CFTR: variants seen among roughly 807,000 people sequenced by gnomAD.
The protein encoded by CFTR is cystic fibrosis transmembrane conductance regulator.
CFTR carries 181 observed loss-of-function variants against 171.6 expected under a neutral mutation model. The ratio of observed to expected loss-of-function variants is 1.05; its 90% CI spans 0.93 to 1.19. The LOEUF (loss-of-function observed/expected upper bound fraction) is 1.19, where lower values mean the gene tolerates loss of function less well. CFTR is among the 50% of genes most tolerant of loss of function. The probability of loss-of-function intolerance (pLI) is 0.00; values close to 1 mark genes in which losing one functional copy is unlikely to be tolerated. For missense variants in CFTR, 1,968 were observed against 1,734.7 expected (o/e 1.13, Z -2.39); for synonymous variants, 583 against 608.0 (o/e 0.96, Z 0.60).
intron 24 of CFTR, among the ~76,000 whole-genome samples, chr7:117,662,269 T>C (rs1793303124): frequency 6.6e-6 from 1 of 152,172 alleles, no homozygotes; most frequent in South Asian, 2.1e-4. Flanking sequence ...CAGTACATAT[T>C]TGATAAATGA....
intron 17 of CFTR, among the ~76,000 whole-genome samples, chr7:117,605,207 T>A (rs1297154324): frequency 6.6e-6 from 1 of 152,198 alleles, no homozygotes; most frequent in Non-Finnish European, 1.5e-5. Context: ...TCCAAACCAT[T>A]TGAAATATAA....
At chr7:117,587,655 A>G (rs1471216821) in intron 11 of CFTR, 84 bp from the exon 12 acceptor site, 1 of 812,982 alleles carries the variant, frequency 1.2e-6, no homozygotes, top group African/African-American at 1.7e-5. Context: ...GTGATATATG[A>G]TTACATTAGA....
chr7:117,514,324 A>G (rs1243746811), intron 3 of CFTR, among the ~76,000 whole-genome samples: 1 of 151,756 alleles, frequency 6.6e-6, no homozygotes, highest in Non-Finnish European at 1.5e-5. Flanking sequence ...TTACTTCCCA[A>G]CAGGCCCTGG....
At chr7:117,539,390 A>G (rs1211423281) in intron 7 of CFTR, among the ~76,000 whole-genome samples, 1 of 151,784 alleles carries the variant, frequency 6.6e-6, no homozygotes, top group Admixed American at 6.6e-5. Flanking sequence ...TTCAAAACCC[A>G]CCTGCAACTT....
intron 1 of CFTR, among the ~76,000 whole-genome samples, chr7:117,484,867 T>C (rs1227867745): frequency 6.6e-6 from 1 of 152,120 alleles, no homozygotes; most frequent in African/African-American, 2.4e-5. Flanking sequence ...AATATTCTTA[T>C]ATACTTATAA....
intron 10 of CFTR, among the ~76,000 whole-genome samples, chr7:117,558,852 C>T (rs1479344021): frequency 6.6e-6 from 1 of 152,102 alleles, no homozygotes; most frequent in Non-Finnish European, 1.5e-5. Flanking sequence ...ATTGTCAGGA[C>T]ATATAACATA....
chr7:117,486,688 G>A (rs1173494402), intron 1 of CFTR, among the ~76,000 whole-genome samples: 4 of 151,870 alleles, frequency 2.6e-5, no homozygotes, highest in African/African-American at 7.3e-5. Context: ...AGATGGGTCT[G>A]GAAACTCTAG....
At chr7:117,570,039 A>G (rs1413490273) in intron 11 of CFTR, among the ~76,000 whole-genome samples, 2 of 152,014 alleles carry the variant, frequency 1.3e-5, no homozygotes, top group Admixed American at 6.6e-5. Flanking sequence ...AAGTGCTTTC[A>G]TGGACCTCTT....
intron 3 of CFTR, among the ~76,000 whole-genome samples, chr7:117,523,167 A>G (rs1418005531): frequency 6.6e-6 from 1 of 152,142 alleles, no homozygotes; most frequent in Non-Finnish European, 1.5e-5. Flanking sequence ...GATGACAACA[A>G]ACTCAGTAAT....
chr7:117,649,444 G>A (rs559094714), intron 23 of CFTR, among the ~76,000 whole-genome samples: 85 of 143,144 alleles, frequency 5.9e-4, no homozygotes, highest in African/African-American at 2.1e-3. Context: ...ACATACATAT[G>A]TACATATACA....
At chr7:117,556,515 T>C (rs1799359774) in intron 10 of CFTR, among the ~76,000 whole-genome samples, 1 of 68,966 alleles carries the variant, frequency 1.4e-5, no homozygotes, top group African/African-American at 5.4e-5. Context: ...TTCATTTCTT[T>C]TTTTTTTTTT....
intron 3 of CFTR, among the ~76,000 whole-genome samples, chr7:117,518,297 A>G (rs1015350241): frequency 1.4e-5 from 2 of 147,492 alleles, no homozygotes; most frequent in African/African-American, 2.5e-5. Flanking sequence ...ATAATATATA[A>G]TACAATATAT....
intron 18 of CFTR, 123 bp from the exon 19 acceptor site, chr7:117,610,395 TA>T (rs983009951): frequency 2.2e-4 from 172 of 778,556 alleles, no homozygotes; most frequent in Non-Finnish European, 2.9e-4. Context: ...ATAAAAAAAA[TA>T]AAAAAAAGTT....
At chr7:117,566,248 A>AACACACACACACACACAC (rs71314621) in intron 11 of CFTR, among the ~76,000 whole-genome samples, 4 of 138,784 alleles carry the variant, frequency 2.9e-5, no homozygotes, top group Non-Finnish European at 6.2e-5. Flanking sequence ...AGCCTACTAA[A>AACACACACACACACACAC]ACACACACAC....
chr7:117,618,941 A>G (rs1409783100), intron 21 of CFTR, among the ~76,000 whole-genome samples: 1 of 152,204 alleles, frequency 6.6e-6, no homozygotes, highest in African/African-American at 2.4e-5. Context: ...TTCAATTGAT[A>G]TCTCAATGTT....
rs199990040 is a variant in CFTR, at chr7:117,611,603, T to A, written c.3162T>A (p.His1054Gln). ...ESEGRSPIFT[H>Q]LVTSLKGLWT... is the part of the protein sequence containing the mutation. ...CAGGCAGGAGTCCAATTTTCACTCATCTTGTTACAAGCTTAAAAGGACTAT... is the reference window on the plus strand; with the variant it reads ...CAGGCAGGAGTCCAATTTTCACTCAACTTGTTACAAGCTTAAAAGGACTAT... The change falls in exon 20 of 27, where the codon CAT (histidine) becomes CAA (glutamine). Residue 1054 changes from histidine (H) to glutamine (Q), a missense_variant. Transcript: ENST00000003084. The A allele has an allele frequency of 6.2e-6, 10 of 1,611,726 alleles. No homozygotes were observed. The Admixed American group carries it at 1.3e-4, about 22-fold the overall frequency.
intron 22 of CFTR, among the ~76,000 whole-genome samples, chr7:117,636,121 T>C (rs942975580): frequency 6.6e-6 from 1 of 152,190 alleles, no homozygotes; most frequent in Non-Finnish European, 1.5e-5. Flanking sequence ...TTTTGAAGAA[T>C]AATTCCACAG....
chr7:117,629,851 A>G (rs1213271926), intron 22 of CFTR, among the ~76,000 whole-genome samples: 6 of 152,184 alleles, frequency 3.9e-5, no homozygotes, highest in Non-Finnish European at 8.8e-5. Flanking sequence ...TTTATTTGCT[A>G]TTACATTTGA....
chr7:117,483,204 T>C (rs1020864823), intron 1 of CFTR, among the ~76,000 whole-genome samples: 8 of 152,196 alleles, frequency 5.3e-5, no homozygotes, highest in Non-Finnish European at 8.8e-5. Flanking sequence ...AGCTATCTAA[T>C]AAAAACCACA....
Sources: gnomAD v4.1 joint callset for allele counts (sites outside exome capture counted in the v4.1 genomes callset) on GRCh38, gnomAD v4.1.1 for gene constraint, MANE v1.5 for transcripts, NCBI Gene and HGNC (gene_info 2026-07-23, HGNC 2026-07-21) for gene names.